The following KCTD20 variants were observed in gnomAD, a reference collection of about 807,000 sequenced individuals.
KCTD20 encodes BTB/POZ domain-containing protein KCTD20.
Under a neutral mutation model 39.6 loss-of-function variants are expected in KCTD20, and 30 were observed. That is an observed-to-expected ratio of 0.76 (90% CI 0.57 to 1.03). KCTD20 has a LOEUF of 1.03. KCTD20 is among the 50% of genes least tolerant of loss of function. KCTD20 has a pLI of 0.00. For synonymous variants in KCTD20, 162 were observed against 180.6 expected (o/e 0.90, Z 0.83); for missense variants, 422 against 522.0 (o/e 0.81, Z 1.87).
intron 1 of KCTD20, chr6:36,452,548 T>TC: frequency 1.1e-5 from 1 of 87,536 alleles, no homozygotes; most frequent in Non-Finnish European, 2.3e-5. Flanking sequence ...TTTCTTTTTT[T>TC]TTTTTTTTTT....
rs1162552100 is a variant in KCTD20 at position 36,456,274 on chromosome 6, C to T, written c.-47+13163C>T. ...CCTGGGCAACATAGCAAGACCCCAT[C>T]GCTAAAAAATTAGCTTTTTTTTGAG... On this transcript the variant is annotated intron_variant, in intron 1 of 7. Coordinates refer to ENST00000373731, the MANE Select transcript of KCTD20 (RefSeq NM_173562.5). Among the ~76,000 whole-genome samples the T allele has an allele frequency of 2.0e-5, 3 of 152,152 alleles. 1 individual carries two copies. The highest frequency in any genetic ancestry group is 1.5e-5 in the Non-Finnish European group (1 of 68,006).
rs543104715 is a variant in KCTD20 at position 36,462,782 on chromosome 6, TA to T, written c.-46-7268del. Among the ~76,000 whole-genome samples, 27 of 152,350 alleles carry T rather than the reference TA, an allele frequency of 1.8e-4. No homozygotes were observed. In the South Asian group the frequency reaches 5.6e-3, roughly 32 times the overall value. On this transcript the variant is annotated intron_variant, in intron 1 of 7. Coordinates refer to ENST00000373731, the MANE Select transcript of KCTD20 (RefSeq NM_173562.5). Reference sequence around the variant, plus strand: ...ACCCTTTTCTTCGCTGTCAGCCCACTAAGATACTTACTACCTCACTCCTAGA... The same window carrying T: ...ACCCTTTTCTTCGCTGTCAGCCCACTAGATACTTACTACCTCACTCCTAGA...
At chr6:36,471,877 C>T (rs1345678331) in intron 2 of KCTD20, among the ~76,000 whole-genome samples, 11 of 150,472 alleles carry the variant, frequency 7.3e-5, no homozygotes, top group Admixed American at 7.3e-4. Context: ...TAGACGGAGC[C>T]TCGCTCTGTT....
intron 1 of KCTD20, among the ~76,000 whole-genome samples, chr6:36,451,357 C>G (rs960663840): frequency 1.3e-5 from 2 of 152,066 alleles, no homozygotes; most frequent in Admixed American, 6.5e-5. Flanking sequence ...AAGACAATAA[C>G]TTTTTAAAAG....
chr6:36,485,835 G>C (rs1390354737), intron 7 of KCTD20, among the ~76,000 whole-genome samples: 2 of 151,870 alleles, frequency 1.3e-5, no homozygotes, highest in Non-Finnish European at 2.9e-5. Flanking sequence ...TGCTACTCTT[G>C]TTGCCTCATT....
At chr6:36,480,638 T>C (rs568782946) in intron 5 of KCTD20, among the ~76,000 whole-genome samples, 1 of 152,174 alleles carries the variant, frequency 6.6e-6, no homozygotes, top group East Asian at 1.9e-4. Flanking sequence ...CTCAGCTCAC[T>C]GCAGCCTCCG....
At chr6:36,451,246 A>G (rs901493345) in intron 1 of KCTD20, 1 of 152,160 alleles carries the variant, frequency 6.6e-6, no homozygotes, top group Non-Finnish European at 1.5e-5. Context: ...AATGATTCCA[A>G]TGTTTTCTTG....
In KCTD20 at chr6:36,487,134, GCC is replaced by G. The variant is rs1270867690; in HGVS notation, c.1222_1223del (p.Pro408ThrfsTer7). ...AGTGGATGAACTTGACCGGCTAAAT[GCC>G]CCACTTTCTCAGATGGCTTCTAACG... ...PQVDELDRLN[A>X]PLSQMASNDF... On this transcript the variant is annotated frameshift_variant, in exon 8 of 8. Coordinates refer to ENST00000373731, the MANE Select transcript of KCTD20 (RefSeq NM_173562.5). LOFTEE classifies it high-confidence loss of function. 7 of 1,613,908 alleles carry G rather than the reference GCC, an allele frequency of 4.3e-6. No homozygotes were observed. Among genetic ancestry groups the G allele is most frequent in the Non-Finnish European group, 5.9e-6 (7 of 1,179,902 alleles).
At chr6:36,482,803 G>A (rs1053287252) in intron 6 of KCTD20, among the ~76,000 whole-genome samples, 2 of 151,630 alleles carry the variant, frequency 1.3e-5, no homozygotes, top group Admixed American at 6.6e-5. Flanking sequence ...AAAATTAGCT[G>A]GGCGTCGTGG....
Position 36,470,129 on chromosome 6 carries a change from G to A in KCTD20, c.32G>A (p.Arg11Lys), listed in dbSNP as rs1241461136. Residue 11 changes from arginine (R) to lysine (K), a missense_variant, in exon 2 of 8, where the codon AGG becomes AAG. Coordinates refer to ENST00000373731, the MANE Select transcript of KCTD20 (RefSeq NM_173562.5). The stretch of plus-strand genomic sequence containing the variant: ...GTTCACCGTGGCAGTGACAGTGACA[G>A]GTTATTGCGGCAGGAGGCCAGCTGC... MNVHRGSDSD[R>K]LLRQEASCLV... The A allele has an allele frequency of 1.2e-6, 2 of 1,614,024 alleles. No homozygotes were observed. Among genetic ancestry groups the A allele is most frequent in the South Asian group, 1.1e-5 (1 of 91,064 alleles).
chr6:36,486,050 A>G (rs997023774), intron 7 of KCTD20, among the ~76,000 whole-genome samples: 2 of 152,028 alleles, frequency 1.3e-5, no homozygotes, highest in African/African-American at 2.4e-5. Context: ...GACCACAGGC[A>G]TGCACCACTA....
chr6:36,479,278 T>A (rs574975076), intron 4 of KCTD20, 55 bp downstream of exon 4: 1 of 1,243,416 alleles, frequency 8.0e-7, no homozygotes, highest in Admixed American at 2.0e-5. Flanking sequence ...GTGTGATCAA[T>A]AGCCTTGAGA....
At chr6:36,463,052 T>C (rs1389540976) in intron 1 of KCTD20, among the ~76,000 whole-genome samples, 2 of 152,258 alleles carry the variant, frequency 1.3e-5, no homozygotes, top group Non-Finnish European at 2.9e-5. Context: ...ATGATGTGCA[T>C]GGTCTTCCCT....
chr6:36,461,989 G>A (rs1226530594), intron 1 of KCTD20, among the ~76,000 whole-genome samples: 1 of 152,174 alleles, frequency 6.6e-6, no homozygotes, highest in Non-Finnish European at 1.5e-5. Context: ...GAAATGAGGA[G>A]CAGAAATAGT....
In KCTD20 at chr6:36,489,685, G is replaced by C. The variant is rs1776527894; in HGVS notation, c.*2510G>C. 1 of 151,734 alleles carries C rather than the reference G, an allele frequency of 6.6e-6. No homozygotes were observed. The highest frequency in any genetic ancestry group is 2.1e-4 in the South Asian group (1 of 4,800). 9.4% of individuals were successfully genotyped at this position (151,734 alleles called of 1,614,324 possible). Reference sequence around the variant, plus strand: ...AGTTGGTTCCTGGCCAGATGGGTAAGAGGCATTTGTAATTTTAAAAATGTG... The same window carrying C: ...AGTTGGTTCCTGGCCAGATGGGTAACAGGCATTTGTAATTTTAAAAATGTG... On this transcript the variant is annotated 3_prime_UTR_variant, in exon 8 of 8. Transcript: ENST00000373731.
intron 4 of KCTD20, 67 bp from the exon 5 acceptor site, chr6:36,479,524 C>A (rs952413508): frequency 7.8e-6 from 11 of 1,413,834 alleles, no homozygotes; most frequent in Non-Finnish European, 1.1e-5. Flanking sequence ...CAGGAATGCA[C>A]AGGGATGAAG....
At chr6:36,446,217 G>A (rs1219002265) in intron 1 of KCTD20, among the ~76,000 whole-genome samples, 2 of 151,690 alleles carry the variant, frequency 1.3e-5, no homozygotes, top group Non-Finnish European at 1.5e-5. Context: ...TAGTTGGGAC[G>A]GGATTTCACC....
At chr6:36,449,703 T>C (rs866419049) in intron 1 of KCTD20, among the ~76,000 whole-genome samples, 2 of 152,184 alleles carry the variant, frequency 1.3e-5, no homozygotes, top group Non-Finnish European at 2.9e-5. Flanking sequence ...TGTGTTCTAC[T>C]CGCCCCATTT....
rs1561962844 is a variant in KCTD20 at position 36,487,195 on chromosome 6, C to A, written c.*20C>A. On this transcript the variant is annotated 3_prime_UTR_variant, in exon 8 of 8. Coordinates refer to ENST00000373731, the MANE Select transcript of KCTD20 (RefSeq NM_173562.5). ...GATTAGGGCCAGCTGTGGGTCTACT[C>A]CTTGTTGGAGCCCATCTCACCTGGG... 1.3e-6 allele frequency: 2 copies of A among 1,596,298 alleles called. No homozygotes were observed. The highest frequency in any genetic ancestry group is 1.7e-6 in the Non-Finnish European group (2 of 1,170,066).
Sources: gnomAD v4.1 joint callset for allele counts (sites outside exome capture counted in the v4.1 genomes callset) on GRCh38, gnomAD v4.1.1 for gene constraint, MANE v1.5 for transcripts, NCBI Gene and HGNC (gene_info 2026-07-23, HGNC 2026-07-21) for gene names.